The following TEKT3 variants were observed in gnomAD, a reference collection of about 807,000 sequenced individuals.
The protein encoded by TEKT3 is tektin-3.
TEKT3 carries 49 observed loss-of-function variants against 49.8 expected under a neutral mutation model. That is an observed-to-expected ratio of 0.98 (90% CI 0.78 to 1.25). The LOEUF (loss-of-function observed/expected upper bound fraction) is 1.25, where lower values mean the gene tolerates loss of function less well. TEKT3 is among the 50% of genes most tolerant of loss of function. TEKT3 has a pLI of 0.00. For synonymous variants in TEKT3, 225 were observed against 237.2 expected (o/e 0.95, Z 0.47); for missense variants, 595 against 629.5 (o/e 0.95, Z 0.59).
chr17:15,312,319 GA>G lies in TEKT3; in HGVS notation c.1040del (p.Phe347SerfsTer19), dbSNP rs1449833508. 1 of 1,614,132 alleles carries G rather than the reference GA, an allele frequency of 6.2e-7. No individual in the cohort carries two copies. Among genetic ancestry groups the G allele is most frequent in the East Asian group, 2.2e-5 (1 of 44,908 alleles). On this transcript the variant is annotated frameshift_variant, in exon 7 of 9. Transcript: ENST00000395930. LOFTEE classifies it high-confidence loss of function. ...CTGCAGTCTCAGCAATGCGATTGGT[GA>G]AAGACAAGTTCACTTTGTTGAATTG... is the stretch of plus-strand genomic sequence containing the variant. ...WNQFNKVNLS[F>X]TNRIAETADA...
Position 15,304,887 on chromosome 17 carries a change from T to C in TEKT3, c.1257-735A>G, listed in dbSNP as rs1162416916. On this transcript the variant is annotated intron_variant, in intron 8 of 8. Coordinates refer to ENST00000395930, the MANE Select transcript of TEKT3 (RefSeq NM_031898.3). The surrounding 1 kb of genome is among the most constrained non-coding windows in gnomAD (Gnocchi z 4.7). The stretch of plus-strand genomic sequence containing the variant: ...AATTAACACTTCTTCCGGAAGTCCC[T>C]CCCTTAAACCGGAAACCATCTGCTG... Among the ~76,000 whole-genome samples the C allele has an allele frequency of 6.6e-6, 1 of 152,160 alleles. No individual in the cohort carries two copies. The highest frequency in any genetic ancestry group is 1.5e-5 in the Non-Finnish European group (1 of 68,034).
At chr17:15,341,217 A>G (rs532893077) in intron 1 of TEKT3, among the ~76,000 whole-genome samples, 1 of 152,332 alleles carries the variant, frequency 6.6e-6, no homozygotes, top group South Asian at 2.1e-4. Flanking sequence ...AATTATTAGA[A>G]TTAAGAAATT....
In TEKT3 at chr17:15,331,568, A is replaced by G; in HGVS notation, c.18T>C (p.Cys6=). ...GGTGGGCGTAAGTTGTCGTTAAAGT[A>G]CAACCTACACGTTCCATGATGCCAA... MERVG[C]TLTTTYAHPR... Residue 6 remains cysteine, a synonymous_variant, in exon 3 of 9, where the codon TGT becomes TGC. Transcript: ENST00000395930. 1 of 1,612,988 alleles carries G rather than the reference A, an allele frequency of 6.2e-7. No individual in the cohort carries two copies. Among genetic ancestry groups the G allele is most frequent in the Non-Finnish European group, 8.5e-7 (1 of 1,179,378 alleles).
At chr17:15,334,943 A>G (rs1346628627) in intron 2 of TEKT3, among the ~76,000 whole-genome samples, 1 of 152,258 alleles carries the variant, frequency 6.6e-6, no homozygotes, top group Admixed American at 6.5e-5. Flanking sequence ...CCATGACAGA[A>G]TAATAAAAAC....
intron 6 of TEKT3, 27 bp downstream of exon 6, chr17:15,314,060 C>A: frequency 6.2e-7 from 1 of 1,613,950 alleles, no homozygotes; most frequent in South Asian, 1.1e-5. Context: ...ACATCGAAAT[C>A]ACAGCCGTGG....
At chr17:15,317,164 A>G (rs1402955249) in intron 5 of TEKT3, among the ~76,000 whole-genome samples, 1 of 152,228 alleles carries the variant, frequency 6.6e-6, no homozygotes, top group East Asian at 1.9e-4. Flanking sequence ...ATTAAAGGAA[A>G]GCCAATCTCC....
intron 2 of TEKT3, among the ~76,000 whole-genome samples, chr17:15,333,622 CT>C: frequency 6.6e-6 from 1 of 152,244 alleles, no homozygotes; most frequent in East Asian, 1.9e-4. Context: ...TTAAAGTTGT[CT>C]TTAGTTCCAA....
chr17:15,320,467 T>C (rs181246897), intron 4 of TEKT3, among the ~76,000 whole-genome samples: 1 of 152,354 alleles, frequency 6.6e-6, no homozygotes, highest in East Asian at 1.9e-4. Context: ...TTCTATGATA[T>C]CAAATCTATC....
In TEKT3 at chr17:15,308,664, C is replaced by T. The variant is rs772511816; in HGVS notation, c.1256G>A (p.Arg419His). The stretch of plus-strand genomic sequence containing the variant: ...CCCGAGCCTTCCCCTCCCACCTTAC[C>T]GTAGCTGAGCCATGTCTCGGCACAA... Reference protein sequence around the residue: ...IELCRDMAQLRLVNEVHEVDD... With the variant: ...IELCRDMAQLHLVNEVHEVDD... Residue 419 changes from arginine to histidine, a missense_variant and splice_region_variant, in exon 8 of 9, where the codon CGC becomes CAC. Arg to His is a conservative substitution (Grantham distance 29). Coordinates refer to ENST00000395930, the MANE Select transcript of TEKT3 (RefSeq NM_031898.3). 9 of 1,604,532 alleles carry T rather than the reference C, an allele frequency of 5.6e-6. No homozygotes were observed. The highest frequency in any genetic ancestry group is 3.3e-5 in the Admixed American group (2 of 59,906).
intron 7 of TEKT3, among the ~76,000 whole-genome samples, chr17:15,309,950 T>C (rs1234190484): frequency 2.0e-5 from 3 of 152,198 alleles, no homozygotes; most frequent in Admixed American, 1.3e-4. Context: ...TTGGGTGATG[T>C]CTCTGCAATA....
intron 4 of TEKT3, among the ~76,000 whole-genome samples, chr17:15,319,940 G>C (rs545896185): frequency 2.0e-5 from 3 of 152,200 alleles, no homozygotes; most frequent in African/African-American, 7.2e-5. Flanking sequence ...ACTGCTTTGG[G>C]ACATTTTAAA....
rs10695008 is a variant in TEKT3 at position 15,321,013 on chromosome 17, AT to A, written c.664-1867del. Among the ~76,000 whole-genome samples, 547 of 145,420 alleles carry A rather than the reference AT, an allele frequency of 3.8e-3. 2 individuals are homozygous for A. The highest frequency in any genetic ancestry group is 0.011 in the African/African-American group (435 of 39,034). On this transcript the variant is annotated intron_variant, in intron 4 of 8. Coordinates refer to ENST00000395930, the MANE Select transcript of TEKT3 (RefSeq NM_031898.3). Reference sequence around the variant, plus strand: ...GCTGTAAAAAATTCCTACAACAATAATTTTTTTTTTTTTTGAGATGGAGTCT... The same window carrying A: ...GCTGTAAAAAATTCCTACAACAATAATTTTTTTTTTTTTGAGATGGAGTCT...
At chr17:15,314,708 C>G (rs541603641) in intron 5 of TEKT3, among the ~76,000 whole-genome samples, 1 of 152,290 alleles carries the variant, frequency 6.6e-6, no homozygotes, top group South Asian at 2.1e-4. Context: ...TATAGCCGAG[C>G]CTCCTGCCAT....
At position 15,312,281 on chromosome 17, in the gene TEKT3, T is replaced by C; in HGVS notation, c.1079A>G (p.Lys360Arg). Residue 360 changes from lysine (K) to arginine (R), a missense_variant, in exon 7 of 9, where the codon AAG (lysine) becomes AGG (arginine). Physicochemically the swap from Lys to Arg is conservative, Grantham distance 26 (BLOSUM62 2). Coordinates refer to ENST00000395930, the MANE Select transcript of TEKT3 (RefSeq NM_031898.3). ...TACCTTTGCTAAGTGCGTCTGAATC[T>C]TATTCTTAGCATCTGCAGTCTCAGC... Reference protein sequence around the residue: ...RIAETADAKNKIQTHLAKTLQ... With the variant: ...RIAETADAKNRIQTHLAKTLQ... 2 of 1,614,152 alleles carry C rather than the reference T, an allele frequency of 1.2e-6. No individual in the cohort carries two copies. The highest frequency in any genetic ancestry group is 1.7e-5 in the Admixed American group (1 of 60,034).
chr17:15,327,865 A>G (rs1042109655), intron 4 of TEKT3, 127 bp downstream of exon 4: 12 of 726,932 alleles, frequency 1.7e-5, no homozygotes, highest in Middle Eastern at 2.4e-4. Flanking sequence ...GCTAAATGCT[A>G]TCAGCATCTG....
intron 8 of TEKT3, among the ~76,000 whole-genome samples, chr17:15,305,940 C>T: frequency 6.6e-6 from 1 of 152,122 alleles, no homozygotes. Context: ...CCCTATTTCA[C>T]TCCCAGTTTC....
intron 4 of TEKT3, among the ~76,000 whole-genome samples, chr17:15,321,984 T>C (rs1386649539): frequency 6.6e-6 from 1 of 152,168 alleles, no homozygotes; most frequent in Non-Finnish European, 1.5e-5. Flanking sequence ...TGAAAATCCC[T>C]TCTTGTGCAC....
intron 3 of TEKT3, 42 bp from the exon 4 acceptor site, chr17:15,328,117 C>T (rs1911568211): frequency 6.6e-7 from 1 of 1,523,536 alleles, no homozygotes; most frequent in Admixed American, 1.7e-5. Context: ...TAAAAACTGA[C>T]AATCCATGAC....
upstream of TEKT3, among the ~76,000 whole-genome samples, chr17:15,341,807 C>T (rs1368777709): frequency 6.6e-6 from 1 of 152,206 alleles, no homozygotes; most frequent in African/African-American, 2.4e-5. Context: ...TCCCCGCCCT[C>T]CGGGAGACCT....
Sources: allele counts gnomAD v4.1 joint callset (sites outside exome capture counted in the v4.1 genomes callset), GRCh38; gene constraint gnomAD v4.1.1; non-coding constraint Gnocchi (gnomAD v3.1); transcripts MANE v1.5; gene names NCBI Gene and HGNC (gene_info 2026-07-23, HGNC 2026-07-21).